SNCAIP: variants seen among roughly 807,000 people sequenced by gnomAD.
SNCAIP encodes synphilin-1.
Under a neutral mutation model 86.7 loss-of-function variants are expected in SNCAIP, and 43 were observed. The ratio of observed to expected loss-of-function variants is 0.50; its 90% CI spans 0.39 to 0.64. SNCAIP has a LOEUF of 0.64. Ranked by LOEUF, SNCAIP falls within the 30% of genes least tolerant of loss-of-function variation. The pLI is 0.00. For missense variants in SNCAIP, 981 were observed against 1,103.1 expected, an observed-to-expected ratio of 0.89 and a Z score of 1.57; for synonymous variants, 417 against 427.2, an observed-to-expected ratio of 0.98 and a Z score of 0.29.
chr5:122,434,661 A>G (rs1779035019), intron 6 of SNCAIP, among the ~76,000 whole-genome samples: 1 of 152,158 alleles, frequency 6.6e-6, no homozygotes, highest in Non-Finnish European at 1.5e-5. Context: ...TTAGGAGATC[A>G]TTCTTACCCA....
At chr5:122,337,493 G>T (rs546689740) in intron 1 of SNCAIP, among the ~76,000 whole-genome samples, 43 of 152,062 alleles carry the variant, frequency 2.8e-4, no homozygotes, top group African/African-American at 1.0e-3. Context: ...TCATTGCTCT[G>T]AGACAATCTG....
chr5:122,386,596 C>G (rs1239431791), intron 1 of SNCAIP, among the ~76,000 whole-genome samples: 1 of 152,116 alleles, frequency 6.6e-6, no homozygotes, highest in East Asian at 1.9e-4. Context: ...AAGGTTTCTC[C>G]CAGTGCTGTG....
At chr5:122,421,888 A>G (rs1776429168) in intron 3 of SNCAIP, among the ~76,000 whole-genome samples, 1 of 151,710 alleles carries the variant, frequency 6.6e-6, no homozygotes, top group Non-Finnish European at 1.5e-5. Context: ...ACCAGGAGAG[A>G]TGGCTCTTAT....
intron 5 of SNCAIP, among the ~76,000 whole-genome samples, chr5:122,428,015 G>A (rs1329116357): frequency 1.3e-5 from 2 of 152,138 alleles, no homozygotes; most frequent in Non-Finnish European, 2.9e-5. Context: ...GTTTTCTTTA[G>A]AAATGATTAA....
rs55705552 is a variant in SNCAIP at position 122,461,669 on chromosome 5, G to GTTTTTTTT, written c.2755-1814_2755-1807dup. Reference sequence around the variant, plus strand: ...TTCTCTTTGTTCCTTTTTTATAGCTGTTTTTTTTTTTTTTTCTTTTTCTTT... The same window carrying GTTTTTTTT: ...TTCTCTTTGTTCCTTTTTTATAGCTGTTTTTTTTTTTTTTTTTTTTTTTCTTTTTCTTT... On this transcript the variant is annotated intron_variant, in intron 10 of 10. Coordinates refer to ENST00000261368, the MANE Select transcript of SNCAIP (RefSeq NM_005460.4). Among the ~76,000 whole-genome samples, 761 of 133,128 alleles carry GTTTTTTTT rather than the reference G, an allele frequency of 5.7e-3. 1 individual carries two copies. Among genetic ancestry groups the GTTTTTTTT allele is most frequent in the Non-Finnish European group, 8.5e-3 (535 of 63,086 alleles). 87.3% of individuals were successfully genotyped at this position (133,128 alleles called of 152,430 possible).
chr5:122,392,372 G>A (rs1340518302), intron 2 of SNCAIP, among the ~76,000 whole-genome samples: 1 of 151,322 alleles, frequency 6.6e-6, no homozygotes. Flanking sequence ...ATATATTTTT[G>A]TCTACGTGTC....
intron 1 of SNCAIP, among the ~76,000 whole-genome samples, chr5:122,332,371 G>A (rs558925290): frequency 4.1e-4 from 62 of 152,292 alleles, no homozygotes; most frequent in African/African-American, 1.4e-3. Flanking sequence ...AGAAATGAGG[G>A]GGAAAGAGGA....
chr5:122,343,574 G>A (rs1580527217), intron 1 of SNCAIP, among the ~76,000 whole-genome samples: 1 of 152,310 alleles, frequency 6.6e-6, no homozygotes, highest in East Asian at 1.9e-4. Flanking sequence ...ATGCATAGAT[G>A]CTCAAACGAT....
intron 1 of SNCAIP, chr5:122,389,465 A>G (rs1246282594): frequency 6.6e-6 from 1 of 152,200 alleles, no homozygotes; most frequent in Non-Finnish European, 1.5e-5. Flanking sequence ...TCTGGATTGT[A>G]TCAGAATCCA....
chr5:122,442,180 C>G (rs994141990), intron 7 of SNCAIP, among the ~76,000 whole-genome samples: 1 of 126,736 alleles, frequency 7.9e-6, no homozygotes, highest in Non-Finnish European at 1.6e-5. Flanking sequence ...TCAGTGTGCT[C>G]AGTTATTCAA....
chr5:122,418,200 G>A (rs979064106), intron 3 of SNCAIP, among the ~76,000 whole-genome samples: 1 of 152,198 alleles, frequency 6.6e-6, no homozygotes, highest in Non-Finnish European at 1.5e-5. Context: ...AATCATGAGT[G>A]CTGAGATGAT....
At chr5:122,344,844 A>G (rs975082942) in intron 1 of SNCAIP, among the ~76,000 whole-genome samples, 6 of 152,218 alleles carry the variant, frequency 3.9e-5, no homozygotes, top group African/African-American at 1.4e-4. Flanking sequence ...AACCAGTTAC[A>G]TGTATTTAAG....
chr5:122,427,274 C>T (rs2152934129), intron 5 of SNCAIP, among the ~76,000 whole-genome samples: 1 of 152,176 alleles, frequency 6.6e-6, no homozygotes, highest in Admixed American at 6.5e-5. Flanking sequence ...TCAGCATAAA[C>T]ACCTTCTATG....
chr5:122,404,731 C>T (rs1581034415), intron 3 of SNCAIP, among the ~76,000 whole-genome samples: 1 of 152,122 alleles, frequency 6.6e-6, no homozygotes, highest in African/African-American at 2.4e-5. Context: ...AATAGATGTG[C>T]CTTACCTATA....
chr5:122,403,757 T>C lies in SNCAIP; in HGVS notation c.58-36T>C, dbSNP rs188427020. The C allele has an allele frequency of 1.9e-6, 3 of 1,544,058 alleles. No homozygotes were observed. In the East Asian group the frequency reaches 6.7e-5, roughly 35 times the overall value. ...CTGAGTGAATGCTCGCATTTTAAAT[T>C]ATTTTATGCCCTCTCTTCTCTGGCT... On this transcript the variant is annotated intron_variant, in intron 2 of 10. Transcript: ENST00000261368.
intron 1 of SNCAIP, among the ~76,000 whole-genome samples, chr5:122,362,412 TGA>T (rs1278075281): frequency 1.3e-5 from 2 of 152,192 alleles, no homozygotes. Flanking sequence ...TTGAGGAATC[TGA>T]GTGTTTTCTG....
intron 1 of SNCAIP, among the ~76,000 whole-genome samples, chr5:122,334,185 C>T (rs1755950075): frequency 6.6e-6 from 1 of 151,888 alleles, no homozygotes; most frequent in Non-Finnish European, 1.5e-5. Flanking sequence ...CAGGTGCGGG[C>T]ACTGTTCTAA....
chr5:122,401,234 T>C (rs1309512348), intron 2 of SNCAIP: 2 of 1,088,990 alleles, frequency 1.8e-6, no homozygotes, highest in Non-Finnish European at 2.6e-6. Flanking sequence ...GCACAATGCA[T>C]ACTTGTAAGG....
intron 3 of SNCAIP, among the ~76,000 whole-genome samples, chr5:122,406,793 C>T (rs372168091): frequency 5.9e-5 from 9 of 152,116 alleles, no homozygotes; most frequent in African/African-American, 1.9e-4. Context: ...AATCATGAGC[C>T]AATTAAACCT....
Sources: allele counts gnomAD v4.1 joint callset (sites outside exome capture counted in the v4.1 genomes callset), GRCh38; gene constraint gnomAD v4.1.1; transcripts MANE v1.5; gene names NCBI Gene and HGNC (gene_info 2026-07-23, HGNC 2026-07-21).